NTRK3: variants seen among roughly 807,000 people sequenced by gnomAD.
The protein encoded by NTRK3 is NT-3 growth factor receptor.
A neutral mutation model predicts 91.7 loss-of-function variants in NTRK3; 24 were observed. The ratio of observed to expected loss-of-function variants is 0.26; its 90% CI spans 0.19 to 0.37. The LOEUF (loss-of-function observed/expected upper bound fraction) is 0.37. Among genes scored for constraint, NTRK3 ranks in the 10% least tolerant of loss-of-function variants. The pLI, the probability that NTRK3 is intolerant of heterozygous loss-of-function variation, is 1.00. For missense variants in NTRK3, 880 were observed against 1,068.9 expected (o/e 0.82, Z 2.46); for synonymous variants, 483 against 404.0 (o/e 1.20, Z -2.34).
chr15:88,028,841 C>T (rs2078275477), intron 14 of NTRK3, among the ~76,000 whole-genome samples: 1 of 152,058 alleles, frequency 6.6e-6, no homozygotes, highest in South Asian at 2.1e-4. Flanking sequence ...TAAGATTAAC[C>T]AAGAAGCCTT....
At chr15:88,238,277 A>T (rs1309155679) in intron 3 of NTRK3, among the ~76,000 whole-genome samples, 10 of 152,338 alleles carry the variant, frequency 6.6e-5, no homozygotes, top group African/African-American at 2.4e-4. Flanking sequence ...TGAGGATTTT[A>T]ATATTGTTTT....
Position 87,877,266 on chromosome 15 carries a change from A to G in NTRK3, c.2293-146T>C, listed in dbSNP as rs1056602575. 1.3e-5 allele frequency: 11 copies of G among 831,216 alleles called. No individual in the cohort carries two copies. The African/African-American group carries it at 1.8e-4, about 14-fold the overall frequency. The allele number at this position is 831,216 out of a possible 1,614,324, so 51.5% of individuals were successfully genotyped here. On this transcript the variant is annotated intron_variant, in intron 18 of 18. Transcript: ENST00000394480. The stretch of plus-strand genomic sequence containing the variant: ...AAGCACAAGCTAAAGGCTAGGCTGT[A>G]TACAGCACTGGTATATTTGTCTGTC...
intron 14 of NTRK3, among the ~76,000 whole-genome samples, chr15:87,965,176 C>T (rs780276378): frequency 2.8e-4 from 42 of 152,186 alleles, no homozygotes; most frequent in Non-Finnish European, 5.1e-4. Context: ...GAAATGTTAA[C>T]AGTGTTGTCT....
intron 14 of NTRK3, among the ~76,000 whole-genome samples, chr15:88,008,534 G>A (rs537531713): frequency 1.3e-4 from 20 of 152,132 alleles, no homozygotes; most frequent in African/African-American, 3.6e-4. Context: ...AAAAGCTCCC[G>A]GTTGATTCCA....
chr15:87,926,247 T>C (rs1297825372), intron 17 of NTRK3, among the ~76,000 whole-genome samples: 1 of 152,202 alleles, frequency 6.6e-6, no homozygotes, highest in Non-Finnish European at 1.5e-5. Context: ...CTGCCTTTCA[T>C]TTTACAGAAA....
At chr15:87,863,524 C>CTT (rs36088298) in exon 19 of NTRK3, 100,375 of 192,792 alleles carry the variant, frequency 0.52, 24,641 homozygotes, top group Admixed American at 0.59. Context: ...TTCCAAAAGT[C>CTT]TTTTTTTTTT....
At chr15:88,228,850 T>G (rs1336631015) in intron 3 of NTRK3, among the ~76,000 whole-genome samples, 1 of 152,118 alleles carries the variant, frequency 6.6e-6, no homozygotes, top group East Asian at 1.9e-4. Context: ...AGCCACATGT[T>G]CATCTGCTCA....
chr15:88,182,494 A>G (rs2046568128), intron 5 of NTRK3, among the ~76,000 whole-genome samples: 1 of 152,128 alleles, frequency 6.6e-6, no homozygotes, highest in Non-Finnish European at 1.5e-5. Flanking sequence ...TGGCCACAGG[A>G]AAGACTAGCC....
rs192183023 is a variant in NTRK3, at chr15:88,173,307, A to G, written c.395+10111T>C. ...GCAGACAGAGCCTTGGAGCTTATCT[A>G]CTCTGGCCCATATCCCCTTCTTTCC... On this transcript the variant is annotated intron_variant, in intron 5 of 18. Coordinates refer to ENST00000394480, the Ensembl canonical transcript of NTRK3. 3.3e-5 allele frequency among the ~76,000 whole-genome samples: 5 copies of G among 152,000 alleles called. No individual in the cohort carries two copies. In the East Asian group the frequency reaches 9.7e-4, roughly 30 times the overall value.
chr15:88,230,015 T>C (rs1250653624), intron 3 of NTRK3, among the ~76,000 whole-genome samples: 1 of 152,232 alleles, frequency 6.6e-6, no homozygotes, highest in Non-Finnish European at 1.5e-5. Context: ...GACTGTCATC[T>C]GTAACTTGTA....
At chr15:87,958,273 A>G (rs1358319846) in intron 14 of NTRK3, among the ~76,000 whole-genome samples, 1 of 144,982 alleles carries the variant, frequency 6.9e-6, no homozygotes, top group Non-Finnish European at 1.5e-5. Flanking sequence ...GAGAACTCTG[A>G]TGATTTCAGG....
intron 5 of NTRK3, among the ~76,000 whole-genome samples, chr15:88,163,774 G>A (rs746295964): frequency 2.0e-5 from 3 of 152,116 alleles, no homozygotes; most frequent in Non-Finnish European, 2.9e-5. Context: ...ACACATTCTG[G>A]TCTGCCCAAA....
Position 87,930,998 on chromosome 15 carries a change from A to C in NTRK3, c.1890-1564T>G, listed in dbSNP as rs2068748854. 22 of 304,690 alleles carry C rather than the reference A, an allele frequency of 7.2e-5. No homozygotes were observed. In the Admixed American group the frequency reaches 9.9e-4, roughly 14 times the overall value. 18.9% of individuals were successfully genotyped at this position (304,690 alleles called of 1,614,324 possible). On this transcript the variant is annotated intron_variant, in intron 16 of 18. Transcript: ENST00000394480. The stretch of plus-strand genomic sequence containing the variant: ...ATTCCCCATGCTGTCTGCCATGGAG[A>C]AGGCAAGGCACTGGCACTGCCCCTC...
intron 17 of NTRK3, among the ~76,000 whole-genome samples, chr15:87,921,800 A>G (rs2067899668): frequency 6.6e-6 from 1 of 152,046 alleles, no homozygotes; most frequent in Non-Finnish European, 1.5e-5. Context: ...GCCTCTGCAG[A>G]GCAAAGTCTG....
chr15:88,010,503 G>A (rs561921827), intron 14 of NTRK3, among the ~76,000 whole-genome samples: 41 of 151,906 alleles, frequency 2.7e-4, no homozygotes, highest in African/African-American at 8.7e-4. Context: ...TAATTTTTCC[G>A]GAAGAAAAGG....
intron 3 of NTRK3, among the ~76,000 whole-genome samples, chr15:88,187,360 G>A (rs928682904): frequency 4.6e-5 from 7 of 152,274 alleles, no homozygotes; most frequent in Non-Finnish European, 5.9e-5. Context: ...TGACATTTCC[G>A]GATGGCATCA....
At chr15:87,864,193 C>T (rs1196296097) in exon 19 of NTRK3, 1 of 232,622 alleles carries the variant, frequency 4.3e-6, no homozygotes, top group African/African-American at 2.2e-5. Flanking sequence ...TCAAGCTAAT[C>T]CACCATGGCC....
chr15:88,098,614 G>A (rs1035083684), intron 13 of NTRK3: 4 of 230,682 alleles, frequency 1.7e-5, no homozygotes, highest in East Asian at 1.2e-4. Context: ...CAGCTATGGC[G>A]AGGTTGGAGT....
intron 14 of NTRK3, among the ~76,000 whole-genome samples, chr15:87,942,055 T>C (rs565783610): frequency 1.3e-5 from 2 of 152,240 alleles, no homozygotes; most frequent in African/African-American, 2.4e-5. Flanking sequence ...CAGAGGGGCA[T>C]GGCTGGAAGC....
Sources: allele counts gnomAD v4.1 joint callset (sites outside exome capture counted in the v4.1 genomes callset), GRCh38; gene constraint gnomAD v4.1.1; transcripts MANE v1.5; gene names NCBI Gene and HGNC (gene_info 2026-07-23, HGNC 2026-07-21).